The following CDH10 variants were observed in gnomAD, a reference collection of about 807,000 sequenced individuals.
The protein encoded by CDH10 is cadherin-10.
In CDH10, 30 loss-of-function variants were observed where a neutral mutation model predicts 73.1. The observed-to-expected ratio is 0.41, with a 90% confidence interval of 0.31 to 0.56. The LOEUF is 0.56. Among genes scored for constraint, CDH10 ranks in the 20% least tolerant of loss-of-function variants. CDH10 has a pLI of 0.27. For synonymous variants in CDH10, 345 were observed against 348.2 expected (o/e 0.99, Z 0.10); for missense variants, 815 against 973.7 (o/e 0.84, Z 2.17).
intron 1 of CDH10, among the ~76,000 whole-genome samples, chr5:24,618,837 A>G (rs1336108915): frequency 6.6e-6 from 1 of 152,230 alleles, no homozygotes; most frequent in Non-Finnish European, 1.5e-5. Context: ...TTATACTGGT[A>G]TTAAATGACA....
intron 1 of CDH10, among the ~76,000 whole-genome samples, chr5:24,602,280 G>A (rs1209063918): frequency 6.6e-6 from 1 of 152,034 alleles, no homozygotes; most frequent in Non-Finnish European, 1.5e-5. Context: ...AATTACTGTG[G>A]GAACCAGAGA....
intron 1 of CDH10, among the ~76,000 whole-genome samples, chr5:24,598,573 T>C (rs944364783): frequency 1.3e-5 from 2 of 151,196 alleles, no homozygotes; most frequent in Non-Finnish European, 2.9e-5. Context: ...TTTATGCCTA[T>C]ATCTTATTTG....
At chr5:24,620,648 T>G (rs950593904) in intron 1 of CDH10, among the ~76,000 whole-genome samples, 1 of 152,224 alleles carries the variant, frequency 6.6e-6, no homozygotes, top group African/African-American at 2.4e-5. Flanking sequence ...TTCTGGCCTT[T>G]ATATATTGTT....
At chr5:24,570,595 G>A (rs1474554823) in intron 2 of CDH10, among the ~76,000 whole-genome samples, 1 of 151,922 alleles carries the variant, frequency 6.6e-6, no homozygotes, top group Non-Finnish European at 1.5e-5. Flanking sequence ...ATTCTGATAG[G>A]CTATATCCTG....
chr5:24,521,503 A>G (rs1191981630), intron 5 of CDH10, among the ~76,000 whole-genome samples: 1 of 152,122 alleles, frequency 6.6e-6, no homozygotes, highest in Non-Finnish European at 1.5e-5. Flanking sequence ...GCTACTCGGA[A>G]GGCTGAGGGA....
In CDH10 at chr5:24,537,449, TATC is replaced by T; in HGVS notation, c.454_456del (p.Asp152del). The T allele has an allele frequency of 6.2e-7, 1 of 1,612,608 alleles. No homozygotes were observed. Among genetic ancestry groups the T allele is most frequent in the Non-Finnish European group, 8.5e-7 (1 of 1,178,794 alleles). On this transcript the variant is annotated inframe_deletion, in exon 3 of 12. Coordinates refer to ENST00000264463, the MANE Select transcript of CDH10 (RefSeq NM_006727.5). ...GGGAACGTTGGCTCATTGTCATTGA[TATC>T]ATGAATTTTGATCACAAACTCTGAC...
intron 2 of CDH10, 66 bp from the exon 3 acceptor site, chr5:24,537,740 G>A (rs985005026): frequency 2.5e-5 from 25 of 1,010,828 alleles, no homozygotes; most frequent in African/African-American, 1.3e-4. Flanking sequence ...GAAAGAATTC[G>A]CAGAAGGTCT....
intron 2 of CDH10, among the ~76,000 whole-genome samples, chr5:24,552,004 G>T (rs1744563739): frequency 6.6e-6 from 1 of 151,922 alleles, no homozygotes; most frequent in African/African-American, 2.4e-5. Flanking sequence ...ACATCAGTAT[G>T]TTATCTTCTA....
chr5:24,563,597 C>CAAAAAAAAAAAAAAAAAAA (rs70965616), intron 2 of CDH10, among the ~76,000 whole-genome samples: 2 of 88,720 alleles, frequency 2.3e-5, no homozygotes, highest in Non-Finnish European at 4.2e-5. Context: ...ACTAAAAATA[C>CAAAAAAAAAAAAAAAAAAA]AAAAAAAAAA....
intron 7 of CDH10, among the ~76,000 whole-genome samples, chr5:24,508,814 C>G (rs1742790901): frequency 6.6e-6 from 1 of 152,278 alleles, no homozygotes; most frequent in African/African-American, 2.4e-5. Context: ...CCAGCACATC[C>G]AGCCTACTTT....
intron 2 of CDH10, among the ~76,000 whole-genome samples, chr5:24,538,917 C>T (rs1744057088): frequency 1.3e-5 from 2 of 151,998 alleles, no homozygotes; most frequent in South Asian, 4.1e-4. Flanking sequence ...TGTTACCACC[C>T]TACCAATAAA....
At chr5:24,592,742 A>G (rs1177050524) in intron 2 of CDH10, among the ~76,000 whole-genome samples, 1 of 151,798 alleles carries the variant, frequency 6.6e-6, no homozygotes, top group Admixed American at 6.6e-5. Flanking sequence ...AGTGTGACCT[A>G]AGAAAAATAA....
At chr5:24,639,993 A>T (rs186568317) in intron 1 of CDH10, among the ~76,000 whole-genome samples, 1 of 151,856 alleles carries the variant, frequency 6.6e-6, no homozygotes, top group African/African-American at 2.4e-5. Context: ...TAGAAGCCTC[A>T]GTGTTATAAA....
At chr5:24,600,605 C>T (rs1029693349) in intron 1 of CDH10, among the ~76,000 whole-genome samples, 51 of 149,822 alleles carry the variant, frequency 3.4e-4, no homozygotes, top group Non-Finnish European at 5.5e-4. Flanking sequence ...TGCGTGCGTG[C>T]GTGTGTGTGT....
At chr5:24,499,104 A>C (rs1742398378) in intron 8 of CDH10, among the ~76,000 whole-genome samples, 1 of 152,200 alleles carries the variant, frequency 6.6e-6, no homozygotes, top group South Asian at 2.1e-4. Context: ...GTCTGTGACT[A>C]CTTTTATCAC....
rs554640104 is a variant in CDH10, at chr5:24,585,437, A to G, written c.231+7823T>C. 2.0e-5 allele frequency among the ~76,000 whole-genome samples: 3 copies of G among 152,066 alleles called. No homozygotes were observed. The East Asian group carries it at 5.9e-4, about 30-fold the overall frequency. On this transcript the variant is annotated intron_variant, in intron 2 of 11. Coordinates refer to ENST00000264463, the MANE Select transcript of CDH10 (RefSeq NM_006727.5). ...ACTTTTTCTTTAAAAAACAACAACA[A>G]CAACAACGGAGTTTAGCTTTTGTTA...
chr5:24,559,691 A>G (rs1744887320), intron 2 of CDH10, among the ~76,000 whole-genome samples: 2 of 152,086 alleles, frequency 1.3e-5, no homozygotes, highest in South Asian at 2.1e-4. Flanking sequence ...ACAATAATTC[A>G]TAAGTTTTTA....
At chr5:24,597,054 T>G (rs1007782488) in intron 1 of CDH10, among the ~76,000 whole-genome samples, 15 of 152,166 alleles carry the variant, frequency 9.9e-5, no homozygotes, top group Admixed American at 7.9e-4. Context: ...CCCAGTTAAT[T>G]TTATTTTTGG....
At chr5:24,599,923 T>C (rs949075491) in intron 1 of CDH10, among the ~76,000 whole-genome samples, 6 of 152,138 alleles carry the variant, frequency 3.9e-5, no homozygotes, top group Non-Finnish European at 5.9e-5. Context: ...CTATGTGTAG[T>C]CCCATTTTAT....
Sources: allele counts gnomAD v4.1 joint callset (sites outside exome capture counted in the v4.1 genomes callset), GRCh38; gene constraint gnomAD v4.1.1; transcripts MANE v1.5; gene names NCBI Gene and HGNC (gene_info 2026-07-23, HGNC 2026-07-21).